DOK6: variants seen among roughly 807,000 people sequenced by gnomAD.
DOK6 encodes downstream of tyrosine kinase 6.
In DOK6, 22 loss-of-function variants were observed where a neutral mutation model predicts 44.0. The observed-to-expected ratio is 0.50, with a 90% CI of 0.36 to 0.71. The LOEUF is 0.71. Among genes scored for constraint, DOK6 ranks in the 30% least tolerant of loss-of-function variants. The pLI is 0.00. For missense variants in DOK6, 340 were observed against 416.4 expected (o/e 0.82, Z 1.60); for synonymous variants, 166 against 145.5 (o/e 1.14, Z -1.01).
intron 2 of DOK6, among the ~76,000 whole-genome samples, chr18:69,565,422 AATC>A (rs1982945557): frequency 6.6e-6 from 1 of 151,998 alleles, no homozygotes. Flanking sequence ...ATTAACTAGT[AATC>A]ATTTAAAATT....
intron 1 of DOK6, among the ~76,000 whole-genome samples, chr18:69,476,465 G>A (rs936292342): frequency 2.0e-5 from 3 of 152,180 alleles, no homozygotes; most frequent in East Asian, 1.9e-4. Flanking sequence ...ACGGGTAATC[G>A]TCACTTGATC....
intron 1 of DOK6, among the ~76,000 whole-genome samples, chr18:69,457,129 C>T (rs1979653712): frequency 6.6e-6 from 1 of 152,120 alleles, no homozygotes. Context: ...GTTTCTTTCA[C>T]TGTGTGAATG....
chr18:69,418,300 G>T (rs1202330231), intron 1 of DOK6, among the ~76,000 whole-genome samples: 1 of 151,882 alleles, frequency 6.6e-6, no homozygotes, highest in Non-Finnish European at 1.5e-5. Flanking sequence ...GTTTGTTTTT[G>T]ACTTTTGGGA....
intron 1 of DOK6, among the ~76,000 whole-genome samples, chr18:69,478,489 T>TA (rs1362169821): frequency 2.6e-5 from 4 of 152,102 alleles, no homozygotes; most frequent in Non-Finnish European, 5.9e-5. Context: ...TTTCCTAATC[T>TA]AAAACAAATG....
chr18:69,777,028 G>C lies in DOK6; in HGVS notation c.856+19155G>C, dbSNP rs60922713. On this transcript the variant is annotated intron_variant, in intron 7 of 7. Coordinates refer to ENST00000382713, the MANE Select transcript of DOK6 (RefSeq NM_152721.6). Reference sequence around the variant, plus strand: ...GTGGGGGGAGGGATAGCATTAGGAGGTATACCTAATGCTAAATGACGAGTT... The same window carrying C: ...GTGGGGGGAGGGATAGCATTAGGAGCTATACCTAATGCTAAATGACGAGTT... Among the ~76,000 whole-genome samples, 3 of 147,228 alleles carry C rather than the reference G, an allele frequency of 2.0e-5. No individual in the cohort carries two copies. In the East Asian group the frequency reaches 6.1e-4, roughly 30 times the overall value.
At chr18:69,753,551 A>G (rs1418388345) in intron 6 of DOK6, among the ~76,000 whole-genome samples, 1 of 152,218 alleles carries the variant, frequency 6.6e-6, no homozygotes, top group Non-Finnish European at 1.5e-5. Context: ...CTAACTCCTG[A>G]TTCATTGCTC....
intron 3 of DOK6, among the ~76,000 whole-genome samples, chr18:69,648,961 C>T (rs1349958933): frequency 6.6e-6 from 1 of 152,190 alleles, no homozygotes; most frequent in Non-Finnish European, 1.5e-5. Context: ...ATGTTTTCTA[C>T]TACAAAGCAC....
intron 3 of DOK6, among the ~76,000 whole-genome samples, chr18:69,669,824 C>T (rs974875762): frequency 1.3e-5 from 2 of 152,088 alleles, no homozygotes; most frequent in Non-Finnish European, 1.5e-5. Flanking sequence ...CACCATATTC[C>T]TTATATATAT....
At chr18:69,467,488 T>C (rs978807245) in intron 1 of DOK6, among the ~76,000 whole-genome samples, 1 of 152,146 alleles carries the variant, frequency 6.6e-6, no homozygotes, top group African/African-American at 2.4e-5. Flanking sequence ...ATGAGTGGCT[T>C]TAGGTTTATG....
In DOK6 at chr18:69,663,240, G is replaced by A. The variant is rs533806839; in HGVS notation, c.290-14494G>A. The stretch of plus-strand genomic sequence containing the variant: ...TTTGCAAGTTCTGCATTGCTTCAGG[G>A]TCCTGACTTCTAAGGTTTATTTTAA... On this transcript the variant is annotated intron_variant, in intron 3 of 7. Coordinates refer to ENST00000382713, the MANE Select transcript of DOK6 (RefSeq NM_152721.6). The A allele has an allele frequency of 3.3e-5, 5 of 152,228 alleles. No individual in the cohort carries two copies. The South Asian group carries it at 6.2e-4, about 19-fold the overall frequency. The allele number at this position is 152,228 out of a possible 1,614,324, so 9.4% of individuals were successfully genotyped here. A position where few individuals can be genotyped will look rare whatever the true frequency, so the allele number is the denominator to read the frequency against.
intron 7 of DOK6, among the ~76,000 whole-genome samples, chr18:69,808,181 G>T (rs1981111205): frequency 1.3e-5 from 2 of 151,810 alleles, no homozygotes; most frequent in Non-Finnish European, 3.0e-5. Flanking sequence ...TAAGCAGCAT[G>T]CTTTTGAAAA....
intron 7 of DOK6, among the ~76,000 whole-genome samples, chr18:69,828,723 A>G (rs570587008): frequency 6.6e-6 from 1 of 151,118 alleles, no homozygotes; most frequent in African/African-American, 2.4e-5. Context: ...TGGGCTGAGC[A>G]CTACATAAAA....
intron 4 of DOK6, among the ~76,000 whole-genome samples, chr18:69,683,412 T>G (rs1045082907): frequency 6.6e-6 from 1 of 152,254 alleles, no homozygotes; most frequent in Non-Finnish European, 1.5e-5. Context: ...ATAGTTTCTT[T>G]GTAAAGGCAA....
chr18:69,630,949 G>A (rs1984677747), intron 3 of DOK6, among the ~76,000 whole-genome samples: 1 of 152,112 alleles, frequency 6.6e-6, no homozygotes, highest in African/African-American at 2.4e-5. Flanking sequence ...AGAAATGCAA[G>A]TAACTGAAAA....
At chr18:69,541,317 A>C (rs902569219) in intron 1 of DOK6, among the ~76,000 whole-genome samples, 1 of 151,428 alleles carries the variant, frequency 6.6e-6, no homozygotes, top group South Asian at 2.1e-4. Context: ...TGTGATGGGG[A>C]AATTGATGCC....
At chr18:69,585,452 T>C (rs1983476557) in intron 2 of DOK6, among the ~76,000 whole-genome samples, 1 of 152,228 alleles carries the variant, frequency 6.6e-6, no homozygotes, top group East Asian at 1.9e-4. Flanking sequence ...GTCTATTTTG[T>C]TTGCTGTTGA....
intron 3 of DOK6, among the ~76,000 whole-genome samples, chr18:69,638,651 G>A (rs926700907): frequency 2.0e-5 from 3 of 152,138 alleles, no homozygotes; most frequent in Admixed American, 6.6e-5. Context: ...GGCTTGTGGT[G>A]CTTGTAGTTT....
chr18:69,549,033 C>T (rs757906667), intron 1 of DOK6, among the ~76,000 whole-genome samples: 11 of 149,602 alleles, frequency 7.4e-5, no homozygotes, highest in Non-Finnish European at 1.0e-4. Context: ...GTGACGGAGC[C>T]TGCAGTGAGC....
intron 1 of DOK6, among the ~76,000 whole-genome samples, chr18:69,559,216 C>G (rs1300825913): frequency 1.3e-5 from 2 of 152,112 alleles, no homozygotes; most frequent in Non-Finnish European, 2.9e-5. Flanking sequence ...GTTTAACTCA[C>G]TCTTTAATAG....
Sources: allele counts gnomAD v4.1 joint callset (sites outside exome capture counted in the v4.1 genomes callset), GRCh38; gene constraint gnomAD v4.1.1; transcripts MANE v1.5; gene names NCBI Gene and HGNC (gene_info 2026-07-23, HGNC 2026-07-21).